The following PCDH11X variants were observed in gnomAD, a reference collection of about 807,000 sequenced individuals.
PCDH11X encodes the protein protocadherin 11 X-linked, also known as protocadherin-11 X-linked.
In PCDH11X, 18 loss-of-function variants were observed where a neutral mutation model predicts 53.3. The ratio of observed to expected loss-of-function variants is 0.34; its 90% CI spans 0.23 to 0.50. The LOEUF (loss-of-function observed/expected upper bound fraction) is 0.50, where lower values mean the gene tolerates loss of function less well. Ranked by LOEUF, PCDH11X falls within the 20% of genes least tolerant of loss-of-function variation. The pLI is 0.98. For synonymous variants in PCDH11X, 279 were observed against 393.3 expected (o/e 0.71, Z 3.44); for missense variants, 570 against 1,032.4 (o/e 0.55, Z 6.14).
intron 6 of PCDH11X, among the ~76,000 whole-genome samples, chrX:91,975,912 G>A (rs2062039975): frequency 1.8e-5 from 2 of 111,053 alleles, no homozygotes; most frequent in South Asian, 7.7e-4. Flanking sequence ...CATGTAGACA[G>A]AGATGGGCTT....
intron 6 of PCDH11X, among the ~76,000 whole-genome samples, chrX:92,118,731 CTTTTTTTTTTTTTTTTT>C (rs199880924): frequency 4.4e-5 from 2 of 45,648 alleles, no homozygotes; most frequent in African/African-American, 9.7e-5. Flanking sequence ...ATAATGCAGT[CTTTTTTTTTTTTTTTTT>C]TTTTTTTTTT....
chrX:92,339,937 A>G (rs1024162929), intron 8 of PCDH11X, among the ~76,000 whole-genome samples: 12 of 111,223 alleles, frequency 1.1e-4, no homozygotes, highest in Non-Finnish European at 1.5e-4. Flanking sequence ...CAAAATCCCA[A>G]TTCTCATCTG....
rs4893170 is a variant in PCDH11X, at chrX:92,180,998, G to T, written c.3034-20377G>T. 2.7e-3 allele frequency among the ~76,000 whole-genome samples: 304 copies of T among 111,520 alleles called. 3 individuals are homozygous for T. Among genetic ancestry groups the T allele is most frequent in the Admixed American group, 0.023 (236 of 10,402 alleles). ...ACCAAAAAATGTGAAAGCAAATTTG[G>T]AACTGGGTATCAGGCAGAGGTTGGA... On this transcript the variant is annotated intron_variant, in intron 6 of 10. Transcript: ENST00000682573.
At chrX:92,465,156 C>CA (rs757524456) in intron 9 of PCDH11X, among the ~76,000 whole-genome samples, 1 of 110,212 alleles carries the variant, frequency 9.1e-6, no homozygotes, top group East Asian at 2.9e-4. Context: ...CTTAAAGAAA[C>CA]AAAAAAAGCC....
At chrX:92,076,779 C>T (rs1052405732) in intron 6 of PCDH11X, among the ~76,000 whole-genome samples, 8 of 111,768 alleles carry the variant, frequency 7.2e-5, no homozygotes, top group Non-Finnish European at 1.3e-4. Flanking sequence ...TGACTTCTGC[C>T]CAGCTGGGCT....
At chrX:92,573,723 T>G (rs1204705437) in intron 10 of PCDH11X, among the ~76,000 whole-genome samples, 1 of 109,639 alleles carries the variant, frequency 9.1e-6, no homozygotes, top group Non-Finnish European at 1.9e-5. Context: ...TAAGGTAAAG[T>G]TTTGTAAGAT....
chrX:92,267,613 C>A (rs1213645295), intron 8 of PCDH11X, among the ~76,000 whole-genome samples: 2 of 112,274 alleles, frequency 1.8e-5, no homozygotes, highest in African/African-American at 3.2e-5. Context: ...CTGTTTTGTA[C>A]AACAGTGCAG....
At chrX:91,980,423 A>G (rs1480495308) in intron 6 of PCDH11X, among the ~76,000 whole-genome samples, 2 of 105,518 alleles carry the variant, frequency 1.9e-5, no homozygotes, top group Non-Finnish European at 3.9e-5. Flanking sequence ...TATCTTAGGG[A>G]AGTAATTTCA....
At chrX:92,527,443 AT>A (rs2074475651) in intron 10 of PCDH11X, among the ~76,000 whole-genome samples, 1 of 111,319 alleles carries the variant, frequency 9.0e-6, no homozygotes, top group South Asian at 3.8e-4. Context: ...AATTAAAAAA[AT>A]AAAAGTATTA....
chrX:92,113,661 A>C, intron 6 of PCDH11X: 1 of 1,201,105 alleles, frequency 8.3e-7, no homozygotes, highest in Admixed American at 2.2e-5. Context: ...TCAGGGTTTC[A>C]TACAAGTCAC....
intron 9 of PCDH11X, among the ~76,000 whole-genome samples, chrX:92,432,949 A>G (rs2072283531): frequency 9.0e-6 from 1 of 110,899 alleles, no homozygotes; most frequent in Non-Finnish European, 1.9e-5. Context: ...TTTGGTTGAG[A>G]TATAGAAAGT....
chrX:92,130,705 A>G (rs1221118520), intron 6 of PCDH11X, among the ~76,000 whole-genome samples: 1 of 110,898 alleles, frequency 9.0e-6, no homozygotes, highest in Non-Finnish European at 1.9e-5. Flanking sequence ...TATTAAAGAA[A>G]AAAGTAGGTC....
intron 10 of PCDH11X, among the ~76,000 whole-genome samples, chrX:92,488,246 G>A (rs1307905097): frequency 1.8e-5 from 2 of 110,573 alleles, no homozygotes; most frequent in Non-Finnish European, 3.8e-5. Flanking sequence ...GTTTTGTTCA[G>A]TGTCTTGAGA....
intron 6 of PCDH11X, among the ~76,000 whole-genome samples, chrX:92,033,257 G>T (rs1342959055): frequency 1.8e-5 from 2 of 109,661 alleles, no homozygotes; most frequent in Non-Finnish European, 3.8e-5. Context: ...CTCATAGAAT[G>T]AATTTGGAAG....
At chrX:91,921,685 C>T (rs1941744717) in intron 6 of PCDH11X, among the ~76,000 whole-genome samples, 1 of 102,843 alleles carries the variant, frequency 9.7e-6, no homozygotes, top group African/African-American at 3.6e-5. Context: ...CTGAATCTAC[C>T]ACAGTTTATT....
intron 6 of PCDH11X, among the ~76,000 whole-genome samples, chrX:92,133,990 C>T (rs12850310): frequency 3.6e-5 from 4 of 111,417 alleles, no homozygotes; most frequent in South Asian, 7.5e-4. Context: ...TGGATCAGTC[C>T]GGAAAGGTGG....
At chrX:92,105,427 G>A (rs2064357928) in intron 6 of PCDH11X, among the ~76,000 whole-genome samples, 1 of 110,287 alleles carries the variant, frequency 9.1e-6, no homozygotes, top group Non-Finnish European at 1.9e-5. Context: ...CTGAGTCACG[G>A]CACCAAATTT....
At chrX:92,348,346 C>A (rs1024703903) in intron 8 of PCDH11X, among the ~76,000 whole-genome samples, 1 of 109,899 alleles carries the variant, frequency 9.1e-6, no homozygotes, top group African/African-American at 3.3e-5. Flanking sequence ...TAGTAAATGC[C>A]AGAGTAGGAT....
chrX:92,484,213 ATATG>A (rs746478463), intron 10 of PCDH11X, among the ~76,000 whole-genome samples: 1 of 51,103 alleles, frequency 2.0e-5, no homozygotes, highest in African/African-American at 9.6e-5. Context: ...ATATGTATAT[ATATG>A]TATATATGTA....
Sources: gnomAD v4.1 joint callset for allele counts (sites outside exome capture counted in the v4.1 genomes callset) on GRCh38, gnomAD v4.1.1 for gene constraint, MANE v1.5 for transcripts, NCBI Gene and HGNC (gene_info 2026-07-23, HGNC 2026-07-21) for gene names.